Variants in RPN1 observed in about 807,000 individuals in gnomAD.
The protein encoded by RPN1 is dolichyl-diphosphooligosaccharide--protein glycosyltransferase subunit 1.
RPN1 carries 12 observed loss-of-function variants against 55.5 expected under a neutral mutation model. The ratio of observed to expected loss-of-function variants is 0.22; its 90% CI spans 0.14 to 0.35. The LOEUF (loss-of-function observed/expected upper bound fraction) is 0.35. Among genes scored for constraint, RPN1 ranks in the 10% least tolerant of loss-of-function variants. The pLI, the probability that RPN1 is intolerant of heterozygous loss-of-function variation, is 1.00. For synonymous variants in RPN1, 317 were observed against 305.9 expected, an observed-to-expected ratio of 1.04 and a Z score of -0.38; for missense variants, 679 against 761.3, an observed-to-expected ratio of 0.89 and a Z score of 1.27.
At chr3:128,643,775 A>G (rs1427812078) in intron 2 of RPN1, among the ~76,000 whole-genome samples, 1 of 151,846 alleles carries the variant, frequency 6.6e-6, no homozygotes, top group Non-Finnish European at 1.5e-5. Context: ...AGCCCAGGCA[A>G]AGAGAGCGAA....
intron 3 of RPN1, among the ~76,000 whole-genome samples, chr3:128,636,189 A>C (rs2069681068): frequency 6.6e-6 from 1 of 152,206 alleles, no homozygotes; most frequent in Non-Finnish European, 1.5e-5. Flanking sequence ...GGCTGGGCGC[A>C]GTGACTCACA....
intron 1 of RPN1, among the ~76,000 whole-genome samples, chr3:128,647,919 C>T (rs971632645): frequency 1.3e-5 from 2 of 152,178 alleles, no homozygotes; most frequent in Non-Finnish European, 2.9e-5. Context: ...CAGTAACCAC[C>T]ATGGTCCCTT....
rs1157136178 is a variant in RPN1, at chr3:128,621,831, A to G, written c.1641+333T>C. Among the ~76,000 whole-genome samples the G allele has an allele frequency of 2.0e-5, 3 of 152,322 alleles. No individual in the cohort carries two copies. In the East Asian group the frequency reaches 5.8e-4, roughly 29 times the overall value. On this transcript the variant is annotated intron_variant, in intron 9 of 9. Transcript: ENST00000296255. ...GCCTGGATTCAAACCTATTGATTCT[A>G]AAGTCTAGGTTCATTTTACCACAAC...
At position 128,625,636 on chromosome 3, in the gene RPN1, G is replaced by A; in HGVS notation, c.1293C>T (p.Asn431=). The stretch of plus-strand genomic sequence containing the variant: ...GGGGCTCCTGCAGCATGAGCACCTT[G>A]TTGAACGTGTAGTGGACCTGGGAGA... ...IQDIVVHYTF[N]KVLMLQEPLL... Residue 431 remains asparagine, a synonymous_variant, in exon 8 of 10, where the codon AAC becomes AAT. Transcript: ENST00000296255. 3 of 1,614,138 alleles carry A rather than the reference G, an allele frequency of 1.9e-6. No individual in the cohort carries two copies. Among genetic ancestry groups the A allele is most frequent in the Non-Finnish European group, 2.5e-6 (3 of 1,180,024 alleles).
rs1321937720 is a variant in RPN1, at chr3:128,650,592, A to T, written c.209T>A (p.Leu70Gln). ...CTCGAGCTCAGGCTCCAAAGCCAGC[A>T]GGAAAGAGGTAGCTCGGGACGTGGA... Reference protein sequence around the residue: ...GGSTSRATSFLLALEPELEAR... With the variant: ...GGSTSRATSFQLALEPELEAR... The change falls in exon 1 of 10, where the codon CTG becomes CAG. Residue 70 changes from leucine to glutamine, a missense_variant. Physicochemically the swap from Leu to Gln is moderately radical, Grantham distance 113. This residue lies in a region of RPN1 where 352 missense variants were observed against 352.8 expected (regional missense o/e 1.00). Transcript: ENST00000296255. 1.3e-6 allele frequency: 2 copies of T among 1,549,176 alleles called. No individual in the cohort carries two copies. Among genetic ancestry groups the T allele is most frequent in the Non-Finnish European group, 1.7e-6 (2 of 1,146,574 alleles).
chr3:128,647,126 T>C (rs2069774864), intron 1 of RPN1, among the ~76,000 whole-genome samples: 1 of 152,010 alleles, frequency 6.6e-6, no homozygotes, highest in Non-Finnish European at 1.5e-5. Context: ...AGAGTAGTTA[T>C]CTCCAATCAT....
intron 2 of RPN1, among the ~76,000 whole-genome samples, chr3:128,640,665 A>C (rs574097319): frequency 4.9e-4 from 75 of 152,276 alleles, no homozygotes; most frequent in Middle Eastern, 3.4e-3. Flanking sequence ...CTGCCATCTG[A>C]TCAACTCTAA....
intron 2 of RPN1, among the ~76,000 whole-genome samples, chr3:128,643,420 T>C (rs1037764246): frequency 1.1e-4 from 16 of 151,754 alleles, no homozygotes; most frequent in Non-Finnish European, 1.9e-4. Flanking sequence ...TCCCCGCACT[T>C]TGGAAGGCTG....
At chr3:128,649,298 C>G (rs1050456502) in intron 1 of RPN1, among the ~76,000 whole-genome samples, 2 of 152,160 alleles carry the variant, frequency 1.3e-5, no homozygotes, top group African/African-American at 4.8e-5. Flanking sequence ...GCAGGATAGC[C>G]GAGCTCCTGC....
At chr3:128,635,513 C>A (rs1439354003) in intron 3 of RPN1, among the ~76,000 whole-genome samples, 2 of 151,512 alleles carry the variant, frequency 1.3e-5, no homozygotes, top group African/African-American at 4.8e-5. Context: ...GTTGGCCAGG[C>A]TGGTCTTGAA....
chr3:128,625,465 T>C (rs1156856638), intron 8 of RPN1, 69 bp downstream of exon 8: 1 of 1,610,624 alleles, frequency 6.2e-7, no homozygotes, highest in Non-Finnish European at 8.5e-7. Flanking sequence ...ACTGTGAGGA[T>C]CAGTGCTCAA....
rs2069810096 is a variant in RPN1, at chr3:128,650,536, T to C, written c.261+4A>G. On this transcript the variant is annotated splice_donor_region_variant and intron_variant, in intron 1 of 9. Transcript: ENST00000296255. ...AGCGGCGGCGAGGGGTCGCCCACAC[T>C]CACCTGCACGCCCAGGTGCGCCAGC... 2 of 1,535,300 alleles carry C rather than the reference T, an allele frequency of 1.3e-6. No homozygotes were observed. The highest frequency in any genetic ancestry group is 1.8e-6 in the Non-Finnish European group (2 of 1,141,988).
chr3:128,646,219 T>C, intron 1 of RPN1, among the ~76,000 whole-genome samples: 1 of 103,206 alleles, frequency 9.7e-6, no homozygotes, highest in African/African-American at 4.2e-5. Context: ...TGAGACTCCG[T>C]CTCAAAAAAA....
At chr3:128,630,221 C>A in intron 4 of RPN1, 78 bp from the exon 5 acceptor site, 1 of 931,632 alleles carries the variant, frequency 1.1e-6, no homozygotes. Flanking sequence ...AGAAGACTTC[C>A]TGCACCAAGA....
At chr3:128,639,248 CAA>C (rs1221805259) in intron 2 of RPN1, among the ~76,000 whole-genome samples, 7 of 151,970 alleles carry the variant, frequency 4.6e-5, no homozygotes, top group Non-Finnish European at 8.8e-5. Context: ...GTCAGGAGAT[CAA>C]GACCAACCTG....
In RPN1 at chr3:128,625,522, CAG is replaced by C; in HGVS notation, c.1395+10_1395+11del. On this transcript the variant is annotated intron_variant, in intron 8 of 9. Coordinates refer to ENST00000296255, the MANE Select transcript of RPN1 (RefSeq NM_002950.4). ...ACACAAATGACAAGCAGGAAGAAGG[CAG>C]AGACGGTACCTTGGTGATGGAGAAG... 6.2e-7 allele frequency: 1 copy of C among 1,613,956 alleles called. No individual in the cohort carries two copies. The highest frequency in any genetic ancestry group is 1.1e-5 in the South Asian group (1 of 91,066).
chr3:128,630,410 A>C (rs940653662), intron 4 of RPN1, among the ~76,000 whole-genome samples: 2 of 152,256 alleles, frequency 1.3e-5, no homozygotes, highest in Non-Finnish European at 2.9e-5. Context: ...TGAAGACTTA[A>C]TACAAAGGTA....
intron 9 of RPN1, among the ~76,000 whole-genome samples, chr3:128,621,622 C>T (rs1312568397): frequency 2.6e-5 from 4 of 152,184 alleles, no homozygotes; most frequent in Non-Finnish European, 5.9e-5. Context: ...GGTTACTGTC[C>T]TCATTTACAG....
At chr3:128,621,666 G>A (rs2069560698) in intron 9 of RPN1, among the ~76,000 whole-genome samples, 1 of 152,168 alleles carries the variant, frequency 6.6e-6, no homozygotes, top group Non-Finnish European at 1.5e-5. Context: ...TCAGGACAGG[G>A]TTCTGAATAT....
Sources: allele counts gnomAD v4.1 joint callset (sites outside exome capture counted in the v4.1 genomes callset), GRCh38; gene constraint gnomAD v4.1.1; regional missense constraint gnomAD v4.1.1; transcripts MANE v1.5; gene names NCBI Gene and HGNC (gene_info 2026-07-23, HGNC 2026-07-21).